Variants in ADK observed in about 807,000 individuals in gnomAD.
ADK encodes the protein adenosine kinase, also known as N6,N6-dimethyladenosine kinase.
Under a neutral mutation model 44.7 loss-of-function variants are expected in ADK, and 24 were observed. The observed-to-expected ratio is 0.54, with a 90% CI of 0.39 to 0.76. The LOEUF (loss-of-function observed/expected upper bound fraction) is 0.76, where lower values mean the gene tolerates loss of function less well. Among genes scored for constraint, ADK ranks in the 30% least tolerant of loss-of-function variants. The probability of loss-of-function intolerance (pLI) is 0.00; values close to 1 mark genes in which losing one functional copy is unlikely to be tolerated. For synonymous variants in ADK, 128 were observed against 142.6 expected (o/e 0.90, Z 0.73); for missense variants, 321 against 425.1 (o/e 0.76, Z 2.15).
chr10:74,504,956 G>A (rs530057816), intron 6 of ADK, among the ~76,000 whole-genome samples: 3 of 152,090 alleles, frequency 2.0e-5, no homozygotes, highest in East Asian at 1.9e-4. Context: ...GTGTGAAAAC[G>A]GACTAATACA....
chr10:74,698,768 A>G (rs1856299381), intron 10 of ADK, among the ~76,000 whole-genome samples: 2 of 152,048 alleles, frequency 1.3e-5, no homozygotes, highest in South Asian at 4.1e-4. Context: ...CATGTTGCCC[A>G]GGCTGGTCTC....
intron 7 of ADK, among the ~76,000 whole-genome samples, chr10:74,556,957 C>T (rs1850274325): frequency 6.6e-6 from 1 of 152,158 alleles, no homozygotes; most frequent in African/African-American, 2.4e-5. Context: ...GTGACTCTTA[C>T]CAGATACTTA....
chr10:74,602,756 G>A (rs1852187659), intron 9 of ADK, among the ~76,000 whole-genome samples: 1 of 152,130 alleles, frequency 6.6e-6, no homozygotes, highest in Admixed American at 6.5e-5. Context: ...AGCTACAAAA[G>A]CAAACATGAT....
intron 6 of ADK, among the ~76,000 whole-genome samples, chr10:74,493,446 A>G (rs1589167529): frequency 2.0e-5 from 3 of 151,194 alleles, no homozygotes; most frequent in Non-Finnish European, 4.4e-5. Flanking sequence ...ATATATATAT[A>G]TATCTCATCT....
chr10:74,649,685 G>C (rs1408022360), intron 9 of ADK, among the ~76,000 whole-genome samples: 2 of 151,534 alleles, frequency 1.3e-5, no homozygotes, highest in Non-Finnish European at 2.9e-5. Context: ...TAATATAGTA[G>C]GCTTCCTGCT....
chr10:74,172,817 G>T (rs1017330484), intron 1 of ADK, among the ~76,000 whole-genome samples: 1 of 146,624 alleles, frequency 6.8e-6, no homozygotes, highest in Non-Finnish European at 1.5e-5. Flanking sequence ...ACGCCTAGGG[G>T]ATTGCTTGAA....
At chr10:74,231,141 T>A (rs1221445609) in intron 3 of ADK, among the ~76,000 whole-genome samples, 2 of 152,204 alleles carry the variant, frequency 1.3e-5, no homozygotes, top group East Asian at 3.8e-4. Context: ...TTGAAAAGAA[T>A]TAATTACTTC....
At chr10:74,607,620 C>T (rs1045254964) in intron 9 of ADK, among the ~76,000 whole-genome samples, 1 of 152,168 alleles carries the variant, frequency 6.6e-6, no homozygotes, top group Non-Finnish European at 1.5e-5. Flanking sequence ...TGATGGGCTT[C>T]CCTTTGTGGG....
intron 9 of ADK, among the ~76,000 whole-genome samples, chr10:74,638,200 C>T (rs1294125000): frequency 6.6e-6 from 1 of 152,202 alleles, no homozygotes; most frequent in East Asian, 1.9e-4. Context: ...TATGCTAATT[C>T]TGGATGATTA....
intron 4 of ADK, among the ~76,000 whole-genome samples, chr10:74,341,476 G>A (rs1321805744): frequency 7.4e-5 from 11 of 148,732 alleles, no homozygotes; most frequent in South Asian, 4.2e-4. Flanking sequence ...GCAGTGAGCC[G>A]AGATCCTGCC....
chr10:74,162,864 T>C (rs970076813), intron 1 of ADK, among the ~76,000 whole-genome samples: 1 of 152,258 alleles, frequency 6.6e-6, no homozygotes. Flanking sequence ...TTCTGTTCTT[T>C]CTGGTGACCA....
rs563822782 is a variant in ADK, at chr10:74,642,419, G to A, written c.878-27764G>A. On this transcript the variant is annotated intron_variant, in intron 9 of 10. Coordinates refer to ENST00000539909, the MANE Select transcript of ADK (RefSeq NM_006721.4). The stretch of plus-strand genomic sequence containing the variant: ...AGGGTCTCACTATGTTGCCCAGGCT[G>A]GTTTCAAACTTCTGGGCTCAAGCAA... Among the ~76,000 whole-genome samples the A allele has an allele frequency of 3.4e-5, 5 of 146,778 alleles. 1 individual carries two copies. Among genetic ancestry groups the A allele is most frequent in the Admixed American group, 2.1e-4 (3 of 14,610 alleles).
chr10:74,159,198 AT>A (rs1415423114), intron 1 of ADK, among the ~76,000 whole-genome samples: 1 of 152,140 alleles, frequency 6.6e-6, no homozygotes, highest in African/African-American at 2.4e-5. Context: ...TTCTATTTGC[AT>A]TTTTACTTTC....
intron 2 of ADK, among the ~76,000 whole-genome samples, chr10:74,214,789 A>G (rs115070162): frequency 0.013 from 1,942 of 152,338 alleles, 49 homozygotes; most frequent in African/African-American, 0.044. Flanking sequence ...TAGGGGTAGA[A>G]GATTCCAGGA....
At chr10:74,529,211 G>A (rs1487725476) in intron 7 of ADK, 1 of 152,138 alleles carries the variant, frequency 6.6e-6, no homozygotes. Context: ...CAACATGAAT[G>A]AATTTTGGAA....
chr10:74,372,071 C>G, intron 4 of ADK: 1 of 757,504 alleles, frequency 1.3e-6, no homozygotes, highest in Non-Finnish European at 2.4e-6. Flanking sequence ...GGATGCCAGC[C>G]CGGGAAGGTT....
chr10:74,284,420 A>G (rs1847077725), intron 3 of ADK, among the ~76,000 whole-genome samples: 1 of 151,978 alleles, frequency 6.6e-6, no homozygotes, highest in African/African-American at 2.4e-5. Flanking sequence ...GTGTGTCACC[A>G]TGCCCGGCTA....
At chr10:74,479,651 T>G (rs1846994216) in intron 6 of ADK, among the ~76,000 whole-genome samples, 1 of 152,024 alleles carries the variant, frequency 6.6e-6, no homozygotes, top group South Asian at 2.1e-4. Flanking sequence ...AATTTTTTAT[T>G]CTGGCATTTT....
chr10:74,277,490 G>A (rs962217581), intron 3 of ADK, among the ~76,000 whole-genome samples: 8 of 151,186 alleles, frequency 5.3e-5, no homozygotes, highest in Middle Eastern at 3.4e-3. Flanking sequence ...TCCCCCTCCC[G>A]GGTTCACGCC....
Sources: allele counts gnomAD v4.1 joint callset (sites outside exome capture counted in the v4.1 genomes callset), GRCh38; gene constraint gnomAD v4.1.1; transcripts MANE v1.5; gene names NCBI Gene and HGNC (gene_info 2026-07-23, HGNC 2026-07-21).